Variants in ZFAND6 observed in about 807,000 individuals in gnomAD.
ZFAND6 encodes AN1-type zinc finger protein 6.
A neutral mutation model predicts 24.5 loss-of-function variants in ZFAND6; 12 were observed. The observed-to-expected ratio is 0.49, with a 90% confidence interval of 0.31 to 0.79. The LOEUF (loss-of-function observed/expected upper bound fraction) is 0.79. ZFAND6 is among the 30% of genes least tolerant of loss of function. The pLI, the probability that ZFAND6 is intolerant of heterozygous loss-of-function variation, is 0.04. For missense variants in ZFAND6, 207 were observed against 245.9 expected, an observed-to-expected ratio of 0.84 and a Z score of 1.06; for synonymous variants, 92 against 81.5, an observed-to-expected ratio of 1.13 and a Z score of -0.69.
At chr15:80,093,153 G>A (rs1203377085) in intron 1 of ZFAND6, among the ~76,000 whole-genome samples, 3 of 151,734 alleles carry the variant, frequency 2.0e-5, no homozygotes, top group Non-Finnish European at 4.4e-5. Context: ...TTTTAGTAGA[G>A]TCGGGGTTTC....
At chr15:80,103,092 A>G (rs1377696619) in intron 2 of ZFAND6, among the ~76,000 whole-genome samples, 2 of 152,212 alleles carry the variant, frequency 1.3e-5, no homozygotes, top group Non-Finnish European at 2.9e-5. Context: ...CCATGGTACT[A>G]AAAGGTCAGC....
chr15:80,131,124 G>A (rs781087509), intron 5 of ZFAND6, 56 bp from the exon 6 acceptor site: 49 of 1,382,420 alleles, frequency 3.5e-5, no homozygotes, highest in Non-Finnish European at 6.9e-6. Context: ...GGTGGGATGA[G>A]GAATAGCAAA....
intron 1 of ZFAND6, among the ~76,000 whole-genome samples, chr15:80,089,349 C>T (rs932182787): frequency 7.4e-5 from 11 of 148,692 alleles, no homozygotes; most frequent in African/African-American, 2.7e-4. Context: ...GCCTCCACCT[C>T]CCTGGTTCAA....
At chr15:80,082,398 CAGAT>C (rs769855756) in intron 1 of ZFAND6, among the ~76,000 whole-genome samples, 9 of 152,216 alleles carry the variant, frequency 5.9e-5, no homozygotes, top group African/African-American at 1.9e-4. Flanking sequence ...GGTTTATAGA[CAGAT>C]AGGACAAATT....
chr15:80,135,823 A>G (rs936042606), intron 6 of ZFAND6, among the ~76,000 whole-genome samples: 1 of 151,970 alleles, frequency 6.6e-6, no homozygotes, highest in Non-Finnish European at 1.5e-5. Flanking sequence ...TAGCACATGT[A>G]CATTTAAAGA....
At chr15:80,133,099 C>G (rs1346471803) in intron 6 of ZFAND6, among the ~76,000 whole-genome samples, 1 of 151,342 alleles carries the variant, frequency 6.6e-6, no homozygotes, top group African/African-American at 2.4e-5. Context: ...TACTATGATT[C>G]AAGAAAAAGT....
chr15:80,104,473 C>G (rs1205994974), intron 2 of ZFAND6, among the ~76,000 whole-genome samples: 1 of 152,106 alleles, frequency 6.6e-6, no homozygotes, highest in Non-Finnish European at 1.5e-5. Context: ...GAGCCGAGAT[C>G]GCACCACTGC....
intron 2 of ZFAND6, among the ~76,000 whole-genome samples, chr15:80,115,563 C>T (rs938355599): frequency 6.6e-6 from 1 of 152,164 alleles, no homozygotes; most frequent in Non-Finnish European, 1.5e-5. Context: ...TCATAGCTAC[C>T]CCATCTATGC....
intron 2 of ZFAND6, among the ~76,000 whole-genome samples, chr15:80,116,160 C>T (rs548429837): frequency 6.6e-6 from 1 of 150,560 alleles, no homozygotes; most frequent in East Asian, 1.9e-4. Flanking sequence ...AGAGATATTG[C>T]AGGTCTGTTT....
At chr15:80,115,969 G>C (rs1199186227) in intron 2 of ZFAND6, among the ~76,000 whole-genome samples, 2 of 152,000 alleles carry the variant, frequency 1.3e-5, no homozygotes, top group Non-Finnish European at 2.9e-5. Context: ...CATTGGGAGA[G>C]TTCCTTTAAT....
At chr15:80,119,352 A>G (rs906307093) in intron 2 of ZFAND6, among the ~76,000 whole-genome samples, 7 of 152,216 alleles carry the variant, frequency 4.6e-5, no homozygotes, top group Non-Finnish European at 1.0e-4. Flanking sequence ...AGAAAATTTA[A>G]AAAGTAAAGG....
intron 5 of ZFAND6, among the ~76,000 whole-genome samples, chr15:80,124,389 C>T (rs578189564): frequency 2.5e-4 from 37 of 150,666 alleles, no homozygotes; most frequent in Non-Finnish European, 4.6e-4. Context: ...GCCGAGATGG[C>T]GCCACTGCAC....
chr15:80,075,582 A>C (rs973701958), intron 1 of ZFAND6, among the ~76,000 whole-genome samples: 7 of 152,138 alleles, frequency 4.6e-5, no homozygotes, highest in Non-Finnish European at 8.8e-5. Flanking sequence ...TTCAAAAATA[A>C]TGTATTCAAA....
chr15:80,072,373 A>C (rs1011596216), intron 1 of ZFAND6, among the ~76,000 whole-genome samples: 1 of 152,128 alleles, frequency 6.6e-6, no homozygotes, highest in African/African-American at 2.4e-5. Context: ...GGAAAACTGA[A>C]ACCTTATGTA....
At chr15:80,131,753 T>C (rs187108111) in intron 6 of ZFAND6, among the ~76,000 whole-genome samples, 17 of 152,354 alleles carry the variant, frequency 1.1e-4, no homozygotes, top group African/African-American at 4.1e-4. Context: ...GTAACATAGC[T>C]ATCAGATGCA....
At chr15:80,135,210 T>G (rs1031876970) in intron 6 of ZFAND6, among the ~76,000 whole-genome samples, 1 of 152,236 alleles carries the variant, frequency 6.6e-6, no homozygotes, top group East Asian at 1.9e-4. Flanking sequence ...CTGAATAACA[T>G]TTCCTTTTCT....
intron 2 of ZFAND6, among the ~76,000 whole-genome samples, chr15:80,117,989 G>C (rs1413428085): frequency 6.6e-6 from 1 of 151,008 alleles, no homozygotes; most frequent in Non-Finnish European, 1.5e-5. Context: ...ATAAGTGATG[G>C]AGCTGGGATT....
Position 80,121,781 on chromosome 15 carries a change from A to C in ZFAND6, c.224A>C (p.Gln75Pro), listed in dbSNP as rs761741216. The change falls in exon 4 of 7, where the codon CAG (glutamine) becomes CCG (proline). Residue 75 changes from glutamine to proline, a missense_variant. By Grantham distance (76) the Gln-to-Pro change is moderately conservative. This residue lies in a region of ZFAND6 where 133 missense variants were observed against 122.8 expected (regional missense o/e 1.08). Coordinates refer to ENST00000261749, the MANE Select transcript of ZFAND6 (RefSeq NM_019006.4). Reference sequence around the variant, plus strand: ...ACAGATGGCAGTGTGCCAGAAGCCCAGTCAGCATTAGACTCTACATCTTCA... The same window carrying C: ...ACAGATGGCAGTGTGCCAGAAGCCCCGTCAGCATTAGACTCTACATCTTCA... The part of the protein sequence containing the change: ...QCTDGSVPEA[Q>P]SALDSTSSSM... 6.2e-7 allele frequency: 1 copy of C among 1,613,858 alleles called. No homozygotes were observed. Among genetic ancestry groups the C allele is most frequent in the South Asian group, 1.1e-5 (1 of 91,064 alleles).
At chr15:80,130,965 T>A (rs2040573510) in intron 5 of ZFAND6, 1 of 418,316 alleles carries the variant, frequency 2.4e-6, no homozygotes, top group Non-Finnish European at 4.3e-6. Flanking sequence ...TGTTAACATA[T>A]CATTACATAT....
Sources: gnomAD v4.1 joint callset for allele counts (sites outside exome capture counted in the v4.1 genomes callset) on GRCh38, gnomAD v4.1.1 for gene constraint, gnomAD v4.1.1 regional missense constraint, MANE v1.5 for transcripts, NCBI Gene and HGNC (gene_info 2026-07-23, HGNC 2026-07-21) for gene names.